Variants in RTL4 observed in about 807,000 individuals in gnomAD.
RTL4 encodes retrotransposon Gag-like protein 4.
A neutral mutation model predicts 5.3 loss-of-function variants in RTL4; 4 were observed. The ratio of observed to expected loss-of-function variants is 0.75; its 90% CI spans 0.37 to 1.72. The LOEUF (loss-of-function observed/expected upper bound fraction) is 1.72, where lower values mean the gene tolerates loss of function less well. Among genes scored for constraint, RTL4 ranks in the 40% most tolerant of loss-of-function variants. The pLI is 0.04. For synonymous variants in RTL4, 98 were observed against 87.3 expected, an observed-to-expected ratio of 1.12 and a Z score of -0.68; for missense variants, 260 against 227.1, an observed-to-expected ratio of 1.14 and a Z score of -0.93.
chrX:112,410,738 C>A, the RTL4 span, among the ~76,000 whole-genome samples: 1 of 110,865 alleles, frequency 9.0e-6, no homozygotes, highest in Non-Finnish European at 1.9e-5. Context: ...AAAAGTAGTA[C>A]TAAGAAGAAA....
the RTL4 span, among the ~76,000 whole-genome samples, chrX:112,444,340 C>G: frequency 3.6e-5 from 4 of 111,870 alleles, no homozygotes; most frequent in Admixed American, 2.9e-4. Flanking sequence ...ATATTGGTTA[C>G]TATAGCTCTG....
chrX:112,093,601 C>T, the RTL4 span, among the ~76,000 whole-genome samples: 3 of 111,790 alleles, frequency 2.7e-5, no homozygotes, highest in East Asian at 8.4e-4. Context: ...TTGGTACCTG[C>T]TATCATAGAC....
the RTL4 span, among the ~76,000 whole-genome samples, chrX:112,267,631 T>C: frequency 8.9e-6 from 1 of 111,746 alleles, no homozygotes; most frequent in Non-Finnish European, 1.9e-5. Flanking sequence ...CCAAACCTTT[T>C]CCCTAGTTTG....
the RTL4 span, among the ~76,000 whole-genome samples, chrX:112,162,933 A>G: frequency 1.8e-5 from 2 of 112,033 alleles, no homozygotes; most frequent in Admixed American, 9.5e-5. Context: ...GCATCTGAAA[A>G]TAGAATTGCC....
the RTL4 span, chrX:112,381,923 C>G: frequency 8.3e-7 from 1 of 1,209,062 alleles, no homozygotes. Context: ...TATGAAGGCC[C>G]AGGCCTTGAA....
the RTL4 span, among the ~76,000 whole-genome samples, chrX:112,300,874 T>C: frequency 5.1e-3 from 566 of 111,108 alleles, 4 homozygotes; most frequent in African/African-American, 0.018. Context: ...GTCAATCTAG[T>C]GAGAAAGAGC....
At chrX:112,126,738 C>A in the RTL4 span, among the ~76,000 whole-genome samples, 1 of 111,411 alleles carries the variant, frequency 9.0e-6, no homozygotes, top group South Asian at 3.7e-4. Context: ...ATACTACTAA[C>A]CTTAAAAGAA....
chrX:112,241,888 G>A, the RTL4 span, among the ~76,000 whole-genome samples: 1 of 112,009 alleles, frequency 8.9e-6, no homozygotes, highest in African/African-American at 3.2e-5. Flanking sequence ...TGTAAGGAAG[G>A]GATCCAGTTT....
At chrX:112,093,918 A>G in the RTL4 span, among the ~76,000 whole-genome samples, 1 of 111,868 alleles carries the variant, frequency 8.9e-6, no homozygotes, top group Non-Finnish European at 1.9e-5. Flanking sequence ...AGAAAGATTA[A>G]CAGCAATAAT....
chrX:112,342,584 C>T, the RTL4 span, among the ~76,000 whole-genome samples: 2 of 111,378 alleles, frequency 1.8e-5, no homozygotes. Context: ...CATCTCTAAA[C>T]ATGATTGTCA....
chrX:112,304,347 T>A, the RTL4 span, among the ~76,000 whole-genome samples: 1 of 111,620 alleles, frequency 9.0e-6, no homozygotes, highest in African/African-American at 3.3e-5. Context: ...TGTGTGTGTG[T>A]GAGACTATCT....
chrX:112,176,032 C>T, the RTL4 span, among the ~76,000 whole-genome samples: 1 of 110,679 alleles, frequency 9.0e-6, no homozygotes. Context: ...TCAGCAAAGT[C>T]TCAGGATACA....
the RTL4 span, among the ~76,000 whole-genome samples, chrX:112,446,271 A>G: frequency 1.8e-5 from 2 of 112,048 alleles, no homozygotes; most frequent in African/African-American, 3.2e-5. Flanking sequence ...TCTAGATAAT[A>G]TTGACATAGG....
the RTL4 span, among the ~76,000 whole-genome samples, chrX:112,143,660 A>G: frequency 2.7e-5 from 3 of 112,048 alleles, no homozygotes; most frequent in African/African-American, 6.5e-5. Flanking sequence ...AAGTTCATAT[A>G]GAACAGCATT....
At chrX:112,120,213 A>C in the RTL4 span, among the ~76,000 whole-genome samples, 1 of 112,622 alleles carries the variant, frequency 8.9e-6, no homozygotes, top group East Asian at 2.8e-4. Context: ...TTTCAGGTGG[A>C]AAAGCCTGCG....
At chrX:112,320,279 C>T in the RTL4 span, 2 of 111,538 alleles carry the variant, frequency 1.8e-5, no homozygotes, top group Non-Finnish European at 3.8e-5. Flanking sequence ...AGTTTTACTC[C>T]GTAATTCTTG....
chrX:112,179,193 A>G, the RTL4 span, among the ~76,000 whole-genome samples: 4 of 111,200 alleles, frequency 3.6e-5, no homozygotes, highest in Non-Finnish European at 7.5e-5. Flanking sequence ...GGGAATATTA[A>G]AATGCTAATA....
At chrX:112,216,334 G>A in the RTL4 span, among the ~76,000 whole-genome samples, 1 of 112,067 alleles carries the variant, frequency 8.9e-6, no homozygotes, top group Middle Eastern at 4.6e-3. Flanking sequence ...TTAAATAGAA[G>A]TGTGGTTTTC....
At chrX:112,222,616 C>A in the RTL4 span, among the ~76,000 whole-genome samples, 1 of 110,485 alleles carries the variant, frequency 9.1e-6, no homozygotes, top group Non-Finnish European at 1.9e-5. Flanking sequence ...GTCTGTGATC[C>A]TAGCTGCTCA....
Sources: allele counts gnomAD v4.1 joint callset (sites outside exome capture counted in the v4.1 genomes callset), GRCh38; gene constraint gnomAD v4.1.1; transcripts MANE v1.5; gene names NCBI Gene and HGNC (gene_info 2026-07-23, HGNC 2026-07-21).